Variants in DAAM1 observed in about 807,000 individuals in gnomAD.
DAAM1 encodes dishevelled associated activator of morphogenesis 1, also known as disheveled-associated activator of morphogenesis 1.
DAAM1 carries 52 observed loss-of-function variants against 130.0 expected under a neutral mutation model. The ratio of observed to expected loss-of-function variants is 0.40; its 90% CI spans 0.32 to 0.50. DAAM1 has a LOEUF of 0.50. DAAM1 is among the 20% of genes least tolerant of loss of function. The pLI, the probability that DAAM1 is intolerant of heterozygous loss-of-function variation, is 0.61. For missense variants in DAAM1, 1,134 were observed against 1,303.8 expected, an observed-to-expected ratio of 0.87 and a Z score of 2.01; for synonymous variants, 452 against 444.5, an observed-to-expected ratio of 1.02 and a Z score of -0.21.
intron 1 of DAAM1, among the ~76,000 whole-genome samples, chr14:59,207,845 A>G (rs900390862): frequency 2.0e-5 from 3 of 152,202 alleles, no homozygotes; most frequent in Non-Finnish European, 2.9e-5. Context: ...GCCCACTTCT[A>G]AATCTTGGGT....
intron 15 of DAAM1, 96 bp from the exon 16 acceptor site, chr14:59,339,978 G>A (rs906433975): frequency 3.0e-6 from 3 of 1,007,012 alleles, no homozygotes; most frequent in East Asian, 2.5e-5. Context: ...ACGAGTGTGT[G>A]TATGTGTATA....
At chr14:59,240,999 T>C (rs987224522) in intron 1 of DAAM1, among the ~76,000 whole-genome samples, 1 of 152,234 alleles carries the variant, frequency 6.6e-6, no homozygotes, top group Non-Finnish European at 1.5e-5. Flanking sequence ...TACAGCTGGC[T>C]GTAATATTTT....
intron 2 of DAAM1, among the ~76,000 whole-genome samples, chr14:59,267,001 C>A (rs1304923498): frequency 1.3e-5 from 2 of 152,170 alleles, no homozygotes; most frequent in African/African-American, 4.8e-5. Context: ...AGTCTGGCAC[C>A]TAATAGATGA....
chr14:59,270,238 T>A (rs1882648282), intron 2 of DAAM1, among the ~76,000 whole-genome samples: 1 of 152,044 alleles, frequency 6.6e-6, no homozygotes, highest in Admixed American at 6.6e-5. Context: ...GAGAAAAAAA[T>A]TATAGCTCAT....
chr14:59,328,793 A>T (rs566925235), intron 12 of DAAM1, among the ~76,000 whole-genome samples: 5 of 152,342 alleles, frequency 3.3e-5, no homozygotes, highest in Non-Finnish European at 7.3e-5. Context: ...AAAATCACCA[A>T]TGTCAGTGGG....
intron 2 of DAAM1, among the ~76,000 whole-genome samples, chr14:59,286,143 G>A (rs984042462): frequency 5.9e-5 from 9 of 152,006 alleles, no homozygotes; most frequent in Non-Finnish European, 1.2e-4. Flanking sequence ...AAAATCACAT[G>A]GAAGTTAAAC....
chr14:59,369,351 A>ATGAT lies in DAAM1; in HGVS notation c.*494_*497dup, dbSNP rs991182551. The ATGAT allele has an allele frequency of 6.5e-6, 1 of 153,232 alleles. No individual in the cohort carries two copies. Among genetic ancestry groups the ATGAT allele is most frequent in the African/African-American group, 2.4e-5 (1 of 41,472 alleles). The allele number at this position is 153,232 out of a possible 1,614,324, so 9.5% of individuals were successfully genotyped here. ...GTTGTTGGAAAAACATAGATTTAAA[A>ATGAT]TGATTTTTGATAGCTGACATTGTGA... On this transcript the variant is annotated 3_prime_UTR_variant, in exon 25 of 25. Coordinates refer to ENST00000360909, the MANE Select transcript of DAAM1 (RefSeq NM_001270520.2).
intron 9 of DAAM1, 111 bp from the exon 10 acceptor site, chr14:59,325,847 CTA>C: frequency 2.6e-6 from 4 of 1,517,922 alleles, no homozygotes; most frequent in Non-Finnish European, 3.6e-6. Flanking sequence ...ACTCAAAGCT[CTA>C]TTTTGTTTCC....
chr14:59,253,280 T>C (rs1881728671), intron 1 of DAAM1, among the ~76,000 whole-genome samples: 1 of 152,258 alleles, frequency 6.6e-6, no homozygotes, highest in Admixed American at 6.5e-5. Flanking sequence ...GTTGCAATTC[T>C]GCGGCTGCCT....
At chr14:59,258,616 G>A (rs1331879388) in intron 1 of DAAM1, among the ~76,000 whole-genome samples, 1 of 152,220 alleles carries the variant, frequency 6.6e-6, no homozygotes, top group Non-Finnish European at 1.5e-5. Context: ...AGGTGGGCAG[G>A]TTCTTCTGAG....
intron 1 of DAAM1, among the ~76,000 whole-genome samples, chr14:59,203,201 G>T (rs1281502563): frequency 2.1e-5 from 3 of 144,082 alleles, no homozygotes; most frequent in Non-Finnish European, 4.5e-5. Flanking sequence ...GTAGAGATGG[G>T]GTTTCACCAT....
At chr14:59,247,443 A>T (rs1211797180) in intron 1 of DAAM1, among the ~76,000 whole-genome samples, 1 of 152,194 alleles carries the variant, frequency 6.6e-6, no homozygotes, top group Admixed American at 6.5e-5. Context: ...GGATTTTGAT[A>T]GGGATTGCTT....
Position 59,368,688 on chromosome 14 carries a change from A to C in DAAM1, c.3036A>C (p.Lys1012Asn), listed in dbSNP as rs778475617. ...EQRERERKMR[K>N]AKENSEESGE... ...GTGAAAGGGAACGTAAAATGAGAAA[A>C]GCTAAAGAGAATAGTGAAGAAAGCG... The change falls in exon 25 of 25, where the codon AAA (lysine) becomes AAC (asparagine). Residue 1012 changes from lysine (K) to asparagine (N), a missense_variant. By Grantham distance (94) the Lys-to-Asn change is moderately conservative. Coordinates refer to ENST00000360909, the MANE Select transcript of DAAM1 (RefSeq NM_001270520.2). The C allele has an allele frequency of 6.2e-7, 1 of 1,613,830 alleles. No individual in the cohort carries two copies. The highest frequency in any genetic ancestry group is 1.1e-5 in the South Asian group (1 of 91,044).
rs1594794108 is a variant in DAAM1 at position 59,275,615 on chromosome 14, T to A, written c.183+11955T>A. 2.0e-5 allele frequency among the ~76,000 whole-genome samples: 3 copies of A among 152,336 alleles called. No individual in the cohort carries two copies. The East Asian group carries it at 5.8e-4, about 29-fold the overall frequency. On this transcript the variant is annotated intron_variant, in intron 2 of 24. Transcript: ENST00000360909. ...CTATTAAAACTTGAAGTCACTCTAA[T>A]GAGTTTCTAGTTTAACGGTAAAAAA...
intron 17 of DAAM1, 39 bp from the exon 18 acceptor site, chr14:59,352,487 T>G (rs1357670125): frequency 3.3e-6 from 5 of 1,505,560 alleles, no homozygotes; most frequent in Non-Finnish European, 4.6e-6. Context: ...TGGATTTAAG[T>G]GATAAACCTC....
At chr14:59,241,920 A>G (rs1328805547) in intron 1 of DAAM1, among the ~76,000 whole-genome samples, 3 of 152,100 alleles carry the variant, frequency 2.0e-5, no homozygotes, top group Non-Finnish European at 2.9e-5. Context: ...CTCTTCCTCA[A>G]AATTTGTTGT....
intron 3 of DAAM1, among the ~76,000 whole-genome samples, chr14:59,303,899 C>T (rs1056408878): frequency 3.3e-5 from 5 of 151,804 alleles, no homozygotes; most frequent in Non-Finnish European, 4.4e-5. Context: ...AACTATGTCT[C>T]AAAAATAAAA....
chr14:59,265,444 C>G (rs1882390263), intron 2 of DAAM1: 1 of 152,176 alleles, frequency 6.6e-6, no homozygotes, highest in Admixed American at 6.5e-5. Flanking sequence ...GAACCTGCCC[C>G]CCAAAGATCT....
chr14:59,363,440 A>C, intron 22 of DAAM1: 9 of 493,890 alleles, frequency 1.8e-5, no homozygotes, highest in Non-Finnish European at 2.8e-5. Flanking sequence ...GTAAATTGCT[A>C]TTTGCAAATA....
Sources: allele counts gnomAD v4.1 joint callset (sites outside exome capture counted in the v4.1 genomes callset), GRCh38; gene constraint gnomAD v4.1.1; transcripts MANE v1.5; gene names NCBI Gene and HGNC (gene_info 2026-07-23, HGNC 2026-07-21).